LRFN5: variants seen among roughly 807,000 people sequenced by gnomAD.
LRFN5 encodes leucine rich repeat and fibronectin type III domain containing 5.
LRFN5 carries 24 observed loss-of-function variants against 45.6 expected under a neutral mutation model. The observed-to-expected ratio is 0.53, with a 90% CI of 0.38 to 0.74. The LOEUF is 0.74. Ranked by LOEUF, LRFN5 falls within the 30% of genes least tolerant of loss-of-function variation. The pLI is 0.00. For synonymous variants in LRFN5, 340 were observed against 313.8 expected (o/e 1.08, Z -0.88); for missense variants, 776 against 861.5 (o/e 0.90, Z 1.24).
At chr14:41,793,075 C>A (rs996513681) in intron 2 of LRFN5, among the ~76,000 whole-genome samples, 1 of 151,342 alleles carries the variant, frequency 6.6e-6, no homozygotes, top group Non-Finnish European at 1.5e-5. Flanking sequence ...GTGCAGCGCA[C>A]CAGCATGGCA....
At chr14:41,849,363 C>T (rs1429230316) in intron 2 of LRFN5, among the ~76,000 whole-genome samples, 1 of 151,498 alleles carries the variant, frequency 6.6e-6, no homozygotes, top group East Asian at 1.9e-4. Context: ...ATTTTGAATC[C>T]AAAACACAGT....
intron 4 of LRFN5, among the ~76,000 whole-genome samples, chr14:41,896,990 G>A (rs910407843): frequency 6.6e-5 from 10 of 151,840 alleles, no homozygotes; most frequent in Admixed American, 5.3e-4. Context: ...TACTCGGGAG[G>A]CTGAGGCAGG....
intron 1 of LRFN5, among the ~76,000 whole-genome samples, chr14:41,735,090 T>G: frequency 6.6e-6 from 1 of 152,178 alleles, no homozygotes; most frequent in East Asian, 1.9e-4. Context: ...CATAAAAATA[T>G]TCTGAGTTTT....
intron 2 of LRFN5, among the ~76,000 whole-genome samples, chr14:41,802,346 A>C (rs1594422087): frequency 6.6e-6 from 1 of 152,050 alleles, no homozygotes. Flanking sequence ...GGCAGGGAGG[A>C]TTCTGGCTAA....
At chr14:41,796,640 A>G (rs1201206964) in intron 2 of LRFN5, among the ~76,000 whole-genome samples, 1 of 151,970 alleles carries the variant, frequency 6.6e-6, no homozygotes, top group Admixed American at 6.6e-5. Context: ...AATTAGGGTC[A>G]CTTTATTAGG....
At chr14:41,820,474 T>A (rs1369800541) in intron 2 of LRFN5, among the ~76,000 whole-genome samples, 3 of 152,096 alleles carry the variant, frequency 2.0e-5, no homozygotes, top group Non-Finnish European at 4.4e-5. Flanking sequence ...GATCCATGTG[T>A]CTATTTTTAT....
intron 1 of LRFN5, among the ~76,000 whole-genome samples, chr14:41,676,034 C>G (rs527798292): frequency 3.9e-5 from 6 of 152,308 alleles, no homozygotes; most frequent in Admixed American, 1.3e-4. Flanking sequence ...GAAGGGAAAG[C>G]TCCCTTTTCC....
intron 2 of LRFN5, among the ~76,000 whole-genome samples, chr14:41,821,233 T>C (rs1356985576): frequency 2.0e-5 from 3 of 152,110 alleles, no homozygotes; most frequent in Non-Finnish European, 4.4e-5. Context: ...CAGTATGATA[T>C]TGGCTGTGGT....
chr14:41,755,565 T>C (rs921313360), intron 1 of LRFN5, among the ~76,000 whole-genome samples: 3 of 152,214 alleles, frequency 2.0e-5, no homozygotes, highest in Non-Finnish European at 4.4e-5. Context: ...AAAGTCTGTT[T>C]TATCAGAGAC....
chr14:41,734,931 CCT>C (rs1246784238), intron 1 of LRFN5, among the ~76,000 whole-genome samples: 2 of 152,058 alleles, frequency 1.3e-5, no homozygotes, highest in Middle Eastern at 3.4e-3. Context: ...CTCCACTTCC[CCT>C]GACAACCAAA....
At chr14:41,870,194 A>G (rs1889970373) in intron 2 of LRFN5, among the ~76,000 whole-genome samples, 1 of 152,012 alleles carries the variant, frequency 6.6e-6, no homozygotes, top group Non-Finnish European at 1.5e-5. Flanking sequence ...GGTAAAATTC[A>G]TTTTCTCACT....
chr14:41,639,252 C>T (rs966506256), intron 1 of LRFN5, among the ~76,000 whole-genome samples: 5 of 152,022 alleles, frequency 3.3e-5, no homozygotes, highest in African/African-American at 4.8e-5. Context: ...ACAACGTTAA[C>T]GAGTAGGTTT....
At position 41,904,453 on chromosome 14, in the gene LRFN5, A is replaced by T; in HGVS notation, c.*278A>T. Reference sequence around the variant, plus strand: ...AGCCTACATTGGCATCAAGTTCTGTATCAATCCATCTTACATTGCCATCCA... The same window carrying T: ...AGCCTACATTGGCATCAAGTTCTGTTTCAATCCATCTTACATTGCCATCCA... On this transcript the variant is annotated 3_prime_UTR_variant, in exon 6 of 6. Transcript: ENST00000298119. 1 of 371,112 alleles carries T rather than the reference A, an allele frequency of 2.7e-6. No homozygotes were observed. The highest frequency in any genetic ancestry group is 4.8e-6 in the Non-Finnish European group (1 of 208,108). The allele number at this position is 371,112 out of a possible 1,614,324, so 23.0% of individuals were successfully genotyped here.
chr14:41,893,638 T>C, intron 4 of LRFN5: 1 of 985,308 alleles, frequency 1.0e-6, no homozygotes, highest in Non-Finnish European at 1.2e-6. Context: ...TATACAACAA[T>C]TTCAGTTACT....
At chr14:41,878,243 A>G (rs1311617536) in intron 2 of LRFN5, among the ~76,000 whole-genome samples, 1 of 152,118 alleles carries the variant, frequency 6.6e-6, no homozygotes, top group Non-Finnish European at 1.5e-5. Context: ...ATCAATATCA[A>G]CAGACATTAA....
intron 2 of LRFN5, among the ~76,000 whole-genome samples, chr14:41,884,512 A>G (rs1890496444): frequency 6.6e-6 from 1 of 152,294 alleles, no homozygotes; most frequent in South Asian, 2.1e-4. Flanking sequence ...AGAGCCAGCA[A>G]GTGAGATACG....
chr14:41,884,243 A>C (rs2139145328), intron 2 of LRFN5, among the ~76,000 whole-genome samples: 1 of 152,286 alleles, frequency 6.6e-6, no homozygotes, highest in East Asian at 1.9e-4. Context: ...CAAGGATCAC[A>C]GTTCTGTATT....
At chr14:41,769,934 A>C (rs747688874) in intron 2 of LRFN5, among the ~76,000 whole-genome samples, 14 of 152,182 alleles carry the variant, frequency 9.2e-5, no homozygotes, top group Non-Finnish European at 2.1e-4. Flanking sequence ...ACCCAAGGCT[A>C]GGTAATTTAG....
At chr14:41,844,225 C>A (rs975516141) in intron 2 of LRFN5, among the ~76,000 whole-genome samples, 6 of 152,078 alleles carry the variant, frequency 3.9e-5, no homozygotes, top group African/African-American at 1.4e-4. Flanking sequence ...ATCACGAGGT[C>A]AGGAGATCGA....
Sources: gnomAD v4.1 joint callset for allele counts (sites outside exome capture counted in the v4.1 genomes callset) on GRCh38, gnomAD v4.1.1 for gene constraint, MANE v1.5 for transcripts, NCBI Gene and HGNC (gene_info 2026-07-23, HGNC 2026-07-21) for gene names.